Variants in EPB41L2 observed in about 807,000 individuals in gnomAD.
EPB41L2 encodes the protein erythrocyte membrane protein band 4.1 like 2, also known as band 4.1-like protein 2.
Under a neutral mutation model 113.0 loss-of-function variants are expected in EPB41L2, and 43 were observed. The ratio of observed to expected loss-of-function variants is 0.38; its 90% CI spans 0.30 to 0.49. The LOEUF (loss-of-function observed/expected upper bound fraction) is 0.49, where lower values mean the gene tolerates loss of function less well. Ranked by LOEUF, EPB41L2 falls within the 20% of genes least tolerant of loss-of-function variation. The probability of loss-of-function intolerance (pLI) is 0.95; values close to 1 mark genes in which losing one functional copy is unlikely to be tolerated. For missense variants in EPB41L2, 1,147 were observed against 1,223.4 expected, an observed-to-expected ratio of 0.94 and a Z score of 0.93; for synonymous variants, 442 against 436.7, an observed-to-expected ratio of 1.01 and a Z score of -0.15.
rs1265372496 is a variant in EPB41L2, at chr6:130,994,189, G to T, written c.-14-37690C>A. Among the ~76,000 whole-genome samples, 3 of 152,162 alleles carry T rather than the reference G, an allele frequency of 2.0e-5. No homozygotes were observed. In the East Asian group the frequency reaches 5.8e-4, roughly 29 times the overall value. ...CTAAGAATGTGAAAGACTAAAATGG[G>T]CTAAGAGTAATGTAGCCCCTTTTCC... On this transcript the variant is annotated intron_variant, in intron 1 of 19. Transcript: ENST00000337057.
At chr6:130,907,261 T>G (rs965605245) in intron 5 of EPB41L2, among the ~76,000 whole-genome samples, 1 of 152,178 alleles carries the variant, frequency 6.6e-6, no homozygotes, top group African/African-American at 2.4e-5. Context: ...GCATGCACTT[T>G]GCAAAGTAAC....
chr6:130,890,475 G>GAAAAA lies in EPB41L2; in HGVS notation c.1488-10_1488-9insTTTTT. 1 of 1,179,820 alleles carries GAAAAA rather than the reference G, an allele frequency of 8.5e-7. No individual in the cohort carries two copies. Among genetic ancestry groups the GAAAAA allele is most frequent in the South Asian group, 1.8e-5 (1 of 55,402 alleles). The allele number at this position is 1,179,820 out of a possible 1,614,324, so 73.1% of individuals were successfully genotyped here. A position where few individuals can be genotyped will look rare whatever the true frequency, so the allele number is the denominator to read the frequency against. On this transcript the variant is annotated splice_polypyrimidine_tract_variant and intron_variant, in intron 10 of 19. Transcript: ENST00000337057. ...GCTCTGGAGAAACAAGCCTATGGGAGGAAAAAAAAAAAAAAAGAGAGAGAG... is the reference window on the plus strand; with the variant it reads ...GCTCTGGAGAAACAAGCCTATGGGAGAAAAAGAAAAAAAAAAAAAAAGAGAGAGAG...
intron 7 of EPB41L2, among the ~76,000 whole-genome samples, chr6:130,899,808 C>T (rs1204887356): frequency 6.6e-6 from 1 of 151,910 alleles, no homozygotes; most frequent in Non-Finnish European, 1.5e-5. Context: ...CCACTCTTAC[C>T]CATTTTATCT....
chr6:130,969,948 C>G (rs1420169925), intron 1 of EPB41L2, among the ~76,000 whole-genome samples: 1 of 152,044 alleles, frequency 6.6e-6, no homozygotes, highest in Non-Finnish European at 1.5e-5. Context: ...TAGGTCAAAC[C>G]TGAAAAAGCT....
chr6:130,900,282 T>A (rs1795941758), intron 7 of EPB41L2, among the ~76,000 whole-genome samples: 1 of 152,204 alleles, frequency 6.6e-6, no homozygotes. Context: ...AAAAACCTAA[T>A]TTTTGAAAGT....
At chr6:130,926,943 C>A (rs773138057) in intron 3 of EPB41L2, among the ~76,000 whole-genome samples, 13 of 152,300 alleles carry the variant, frequency 8.5e-5, no homozygotes, top group African/African-American at 3.1e-4. Flanking sequence ...GTCTGCTTTA[C>A]TGCTACTCAA....
chr6:130,905,485 C>T (rs2128504660), intron 5 of EPB41L2, among the ~76,000 whole-genome samples: 1 of 151,442 alleles, frequency 6.6e-6, no homozygotes, highest in African/African-American at 2.4e-5. Flanking sequence ...GTGGCATGAT[C>T]ATGGCTCACT....
rs149141305 is a variant in EPB41L2, at chr6:130,978,461, C to T, written c.-14-21962G>A. 5 of 152,332 alleles carry T rather than the reference C, an allele frequency of 3.3e-5. No individual in the cohort carries two copies. In the East Asian group the frequency reaches 9.6e-4, roughly 29 times the overall value. 9.4% of individuals were successfully genotyped at this position (152,332 alleles called of 1,614,324 possible). Reference sequence around the variant, plus strand: ...AGCTCTCCATAATTTGAGACTACAGCTCTGTCGCTTCACTTTCAAAACCTA... The same window carrying T: ...AGCTCTCCATAATTTGAGACTACAGTTCTGTCGCTTCACTTTCAAAACCTA... On this transcript the variant is annotated intron_variant, in intron 1 of 19. Coordinates refer to ENST00000337057, the MANE Select transcript of EPB41L2 (RefSeq NM_001431.4).
intron 13 of EPB41L2, chr6:130,878,632 A>C (rs1412876762): frequency 5.7e-6 from 1 of 175,482 alleles, no homozygotes; most frequent in East Asian, 1.8e-4. Flanking sequence ...ACTTTGTTCC[A>C]GCAAATTTAC....
intron 4 of EPB41L2, among the ~76,000 whole-genome samples, chr6:130,918,066 G>T (rs867067336): frequency 6.6e-6 from 1 of 152,276 alleles, no homozygotes; most frequent in South Asian, 2.1e-4. Context: ...CATAATGCTG[G>T]TGTTAGGAGA....
intron 19 of EPB41L2, among the ~76,000 whole-genome samples, chr6:130,848,001 C>T (rs1002493449): frequency 7.9e-5 from 12 of 151,980 alleles, no homozygotes; most frequent in Admixed American, 6.6e-4. Flanking sequence ...AAAATACAAA[C>T]TAACAAAGCT....
At chr6:131,059,960 C>T (rs1798347120) in intron 1 of EPB41L2, among the ~76,000 whole-genome samples, 1 of 152,196 alleles carries the variant, frequency 6.6e-6, no homozygotes, top group Admixed American at 6.5e-5. Flanking sequence ...GTAAACAGCA[C>T]AGATTTTAGA....
At chr6:130,920,385 G>C (rs1802488612) in intron 4 of EPB41L2, among the ~76,000 whole-genome samples, 1 of 152,148 alleles carries the variant, frequency 6.6e-6, no homozygotes, top group Non-Finnish European at 1.5e-5. Flanking sequence ...ATGAAAACTT[G>C]TACTGGACAT....
Position 130,859,655 on chromosome 6 carries a change from A to G in EPB41L2, c.2911-1412T>C, listed in dbSNP as rs142622112. Among the ~76,000 whole-genome samples, 464 of 152,286 alleles carry G rather than the reference A, an allele frequency of 3.0e-3. 1 individual carries two copies. Among genetic ancestry groups the G allele is most frequent in the African/African-American group, 0.011 (449 of 41,574 alleles). ...TTTGCTGTCAGCTGCCTAAGGGGAC[A>G]ACTGCATTTCTTGTTTGCATGATAG... is the stretch of plus-strand genomic sequence containing the variant. On this transcript the variant is annotated intron_variant, in intron 18 of 19. Coordinates refer to ENST00000337057, the MANE Select transcript of EPB41L2 (RefSeq NM_001431.4).
chr6:130,847,945 G>C (rs1302635901), intron 19 of EPB41L2, among the ~76,000 whole-genome samples: 1 of 151,988 alleles, frequency 6.6e-6, no homozygotes, highest in East Asian at 1.9e-4. Context: ...TCATAAGATG[G>C]GTAGTAATGA....
At chr6:131,044,127 T>C (rs770344317) in intron 1 of EPB41L2, among the ~76,000 whole-genome samples, 37 of 151,370 alleles carry the variant, frequency 2.4e-4, no homozygotes, top group Non-Finnish European at 5.0e-4. Flanking sequence ...GCTCAGGAGA[T>C]TCTCCCACCT....
At chr6:131,007,187 G>C (rs1211924598) in intron 1 of EPB41L2, among the ~76,000 whole-genome samples, 1 of 152,170 alleles carries the variant, frequency 6.6e-6, no homozygotes, top group Non-Finnish European at 1.5e-5. Context: ...CATGTGTCAA[G>C]GGTAGGACCA....
chr6:130,916,204 T>A (rs1583416682), intron 4 of EPB41L2, among the ~76,000 whole-genome samples: 1 of 152,212 alleles, frequency 6.6e-6, no homozygotes, highest in Non-Finnish European at 1.5e-5. Context: ...GAATTTTTTT[T>A]AAACTAAGCA....
At chr6:130,910,900 A>G (rs1387673125) in intron 4 of EPB41L2, among the ~76,000 whole-genome samples, 1 of 152,216 alleles carries the variant, frequency 6.6e-6, no homozygotes, top group Non-Finnish European at 1.5e-5. Context: ...GATGTGGAGA[A>G]ACAGGAACAC....
Sources: allele counts gnomAD v4.1 joint callset (sites outside exome capture counted in the v4.1 genomes callset), GRCh38; gene constraint gnomAD v4.1.1; transcripts MANE v1.5; gene names NCBI Gene and HGNC (gene_info 2026-07-23, HGNC 2026-07-21).